DIP2C: variants seen among roughly 807,000 people sequenced by gnomAD.
DIP2C encodes disco-interacting protein 2 homolog C.
In DIP2C, 33 loss-of-function variants were observed where a neutral mutation model predicts 192.4. The ratio of observed to expected loss-of-function variants is 0.17; its 90% confidence interval spans 0.13 to 0.23. The LOEUF (loss-of-function observed/expected upper bound fraction) is 0.23, where lower values mean the gene tolerates loss of function less well. DIP2C is among the 10% of genes least tolerant of loss of function. The pLI is 1.00. For missense variants in DIP2C, 1,537 were observed against 2,110.1 expected (o/e 0.73, Z 5.32); for synonymous variants, 979 against 864.1 (o/e 1.13, Z -2.33).
intron 22 of DIP2C, 125 bp downstream of exon 22, chr10:362,365 A>G (rs929606901): frequency 7.6e-5 from 85 of 1,125,072 alleles, no homozygotes; most frequent in Non-Finnish European, 8.7e-5. Context: ...TCTTGGGGTA[A>G]CCACTTCTTT....
chr10:606,445 G>T (rs952801675), intron 1 of DIP2C, among the ~76,000 whole-genome samples: 1 of 150,798 alleles, frequency 6.6e-6, no homozygotes, highest in East Asian at 2.0e-4. Flanking sequence ...TTGGGAAGGG[G>T]ATCTCTCGCC....
At chr10:599,628 A>AC (rs1186532136) in intron 1 of DIP2C, among the ~76,000 whole-genome samples, 3 of 152,102 alleles carry the variant, frequency 2.0e-5, no homozygotes, top group Non-Finnish European at 4.4e-5. Context: ...GGCTGGAGGG[A>AC]CCTTCCAGGT....
intron 32 of DIP2C, among the ~76,000 whole-genome samples, chr10:288,630 C>T (rs987146462): frequency 3.3e-5 from 5 of 152,144 alleles, no homozygotes; most frequent in African/African-American, 9.7e-5. Context: ...CAGATGAAGC[C>T]GCATCTCTCA....
At chr10:424,030 T>C (rs948175488) in intron 4 of DIP2C, among the ~76,000 whole-genome samples, 2 of 152,214 alleles carry the variant, frequency 1.3e-5, no homozygotes, top group African/African-American at 4.8e-5. Flanking sequence ...TAATAACTTT[T>C]CATGCAGTAC....
chr10:393,147 T>G (rs1486414432), intron 10 of DIP2C, among the ~76,000 whole-genome samples: 1 of 152,168 alleles, frequency 6.6e-6, no homozygotes, highest in Non-Finnish European at 1.5e-5. Flanking sequence ...AGGTGCTACA[T>G]CTCAGGAAAG....
intron 1 of DIP2C, among the ~76,000 whole-genome samples, chr10:568,792 A>AAAC (rs1849604049): frequency 7.8e-6 from 1 of 127,600 alleles, no homozygotes; most frequent in East Asian, 2.0e-4. Context: ...AAAAAAAAAA[A>AAAC]AAAAAACCTT....
chr10:364,818 C>A, intron 19 of DIP2C: 2 of 623,470 alleles, frequency 3.2e-6, no homozygotes, highest in African/African-American at 1.8e-5. Context: ...CACTCACCTG[C>A]TGGAGCCTCC....
intron 31 of DIP2C, among the ~76,000 whole-genome samples, chr10:316,750 G>T (rs1450754767): frequency 6.6e-6 from 1 of 152,218 alleles, no homozygotes; most frequent in Non-Finnish European, 1.5e-5. Flanking sequence ...CAGAGAAAAT[G>T]CATCCACTTT....
intron 29 of DIP2C, among the ~76,000 whole-genome samples, chr10:331,007 G>A (rs529958718): frequency 1.8e-4 from 24 of 136,358 alleles, no homozygotes; most frequent in Admixed American, 3.1e-4. Flanking sequence ...TTGTAGATAC[G>A]GTTTCGTATT....
Position 689,524 on chromosome 10 carries a change from G to A in DIP2C, c.55C>T (p.Leu19=). ...MALPLEVRAR[L]AELELELSEG... is the part of the protein sequence containing the mutation. Reference sequence around the variant, plus strand: ...GACAGCTCCAGCTCCAGCTCGGCCAGGCGCGCCCGCACCTCCAGGGGCAGC... The same window carrying A: ...GACAGCTCCAGCTCCAGCTCGGCCAAGCGCGCCCGCACCTCCAGGGGCAGC... Residue 19 remains leucine, a synonymous_variant, in exon 1 of 37, where the codon CTG becomes TTG. Transcript: ENST00000280886. This position sits in a 1 kb window ranked among gnomAD's most constrained non-coding sequence, Gnocchi z 6.1. 1 of 1,296,890 alleles carries A rather than the reference G, an allele frequency of 7.7e-7. No individual in the cohort carries two copies. The highest frequency in any genetic ancestry group is 4.4e-5 in the East Asian group (1 of 22,752). 80.3% of individuals were successfully genotyped at this position (1,296,890 alleles called of 1,614,324 possible). A position where few individuals can be genotyped will look rare whatever the true frequency, so the allele number is the denominator to read the frequency against.
At chr10:648,927 G>A (rs1855678395) in intron 1 of DIP2C, among the ~76,000 whole-genome samples, 1 of 150,144 alleles carries the variant, frequency 6.7e-6, no homozygotes, top group Non-Finnish European at 1.5e-5. Flanking sequence ...CACATTGGAT[G>A]GTGGGAGAGA....
intron 3 of DIP2C, among the ~76,000 whole-genome samples, chr10:452,658 G>T (rs1184328988): frequency 6.6e-6 from 1 of 152,218 alleles, no homozygotes. Flanking sequence ...AAGCCACGAT[G>T]GCCCCCTGGT....
At chr10:646,245 C>T (rs530463527) in intron 1 of DIP2C, among the ~76,000 whole-genome samples, 2 of 152,248 alleles carry the variant, frequency 1.3e-5, no homozygotes, top group South Asian at 2.1e-4. Flanking sequence ...TTTCCAGGAG[C>T]GACTCACTGC....
chr10:369,387 G>A, intron 18 of DIP2C, 107 bp downstream of exon 18: 6 of 1,392,282 alleles, frequency 4.3e-6, no homozygotes, highest in Non-Finnish European at 5.7e-6. Context: ...CTCAGCCTGA[G>A]GGCACACCAC....
intron 1 of DIP2C, among the ~76,000 whole-genome samples, chr10:577,542 A>T (rs1017527852): frequency 6.6e-6 from 1 of 152,176 alleles, no homozygotes; most frequent in Non-Finnish European, 1.5e-5. Context: ...CCAACACCAC[A>T]CTCAGCACGC....
intron 1 of DIP2C, among the ~76,000 whole-genome samples, chr10:670,304 G>A (rs765396233): frequency 3.5e-4 from 53 of 151,856 alleles, no homozygotes; most frequent in Admixed American, 7.9e-4. Flanking sequence ...ACACACATAC[G>A]CACATACATG....
chr10:557,844 A>AAGAAGTG (rs1848982977), intron 1 of DIP2C, among the ~76,000 whole-genome samples: 1 of 71,574 alleles, frequency 1.4e-5, no homozygotes, highest in Non-Finnish European at 2.7e-5. Flanking sequence ...GCAGGCAGGC[A>AAGAAGTG]GGAAGGGGGA....
intron 1 of DIP2C, among the ~76,000 whole-genome samples, chr10:672,169 A>T (rs1441174842): frequency 6.6e-6 from 1 of 151,998 alleles, no homozygotes; most frequent in African/African-American, 2.4e-5. Context: ...AGACGCATGG[A>T]CGGAGGAAAC....
intron 32 of DIP2C, among the ~76,000 whole-genome samples, chr10:301,800 G>A (rs763802973): frequency 1.3e-5 from 2 of 152,194 alleles, no homozygotes; most frequent in Non-Finnish European, 2.9e-5. Flanking sequence ...CACACACCTG[G>A]CCAGGGGATG....
Sources: allele counts gnomAD v4.1 joint callset (sites outside exome capture counted in the v4.1 genomes callset), GRCh38; gene constraint gnomAD v4.1.1; non-coding constraint Gnocchi (gnomAD v3.1); transcripts MANE v1.5; gene names NCBI Gene and HGNC (gene_info 2026-07-23, HGNC 2026-07-21).